The following SOX6 variants were observed in gnomAD, a reference collection of about 807,000 sequenced individuals.
The protein encoded by SOX6 is transcription factor SOX-6.
Under a neutral mutation model 97.8 loss-of-function variants are expected in SOX6, and 11 were observed. The observed-to-expected ratio is 0.11, with a 90% CI of 0.07 to 0.19. The LOEUF is 0.19. SOX6 is among the 10% of genes least tolerant of loss of function. The pLI, the probability that SOX6 is intolerant of heterozygous loss-of-function variation, is 1.00. For synonymous variants in SOX6, 360 were observed against 371.4 expected (o/e 0.97, Z 0.35); for missense variants, 810 against 1,039.5 (o/e 0.78, Z 3.04).
chr11:16,514,736 C>A (rs1322302673), intron 4 of SOX6, among the ~76,000 whole-genome samples: 8 of 139,760 alleles, frequency 5.7e-5, no homozygotes, highest in Non-Finnish European at 1.2e-4. Flanking sequence ...GTGATGTTTC[C>A]CTTCCTGTGT....
chr11:16,638,786 T>A (rs183058997), intron 3 of SOX6, among the ~76,000 whole-genome samples: 1,706 of 152,362 alleles, frequency 0.011, 23 homozygotes, highest in African/African-American at 0.039. Context: ...TTCTTATAAA[T>A]TTGTTTAAGT....
At chr11:15,991,427 C>T (rs879801975) in intron 13 of SOX6, among the ~76,000 whole-genome samples, 7 of 152,316 alleles carry the variant, frequency 4.6e-5, no homozygotes, top group East Asian at 1.9e-4. Context: ...CATTCAGATA[C>T]GACAGTGTCT....
intron 3 of SOX6, among the ~76,000 whole-genome samples, chr11:16,675,548 T>C (rs1032614252): frequency 9.2e-5 from 14 of 152,222 alleles, no homozygotes; most frequent in African/African-American, 3.4e-4. Flanking sequence ...TGATGAGTGA[T>C]TTTTTTATGT....
intron 12 of SOX6, among the ~76,000 whole-genome samples, chr11:16,023,916 G>C (rs1205388304): frequency 6.6e-6 from 1 of 152,136 alleles, no homozygotes; most frequent in Non-Finnish European, 1.5e-5. Flanking sequence ...CACGAGATTT[G>C]GAAATATCCA....
intron 1 of SOX6, among the ~76,000 whole-genome samples, chr11:16,473,883 T>C (rs1415519638): frequency 1.3e-5 from 2 of 152,232 alleles, no homozygotes; most frequent in East Asian, 3.8e-4. Flanking sequence ...CAATGCTGTT[T>C]GATAGCATTT....
intron 12 of SOX6, 45 bp from the exon 13 acceptor site, chr11:16,015,095 G>A: frequency 1.3e-6 from 2 of 1,537,516 alleles, no homozygotes; most frequent in Non-Finnish European, 1.8e-6. Context: ...TTCCAAAACA[G>A]CCACCATTTC....
intron 6 of SOX6, among the ~76,000 whole-genome samples, chr11:16,169,389 C>T (rs940365809): frequency 6.6e-6 from 1 of 151,836 alleles, no homozygotes; most frequent in African/African-American, 2.4e-5. Flanking sequence ...AAAGAAGTTA[C>T]TAAGCTTGAA....
At chr11:16,593,835 T>C (rs1294148700) in intron 4 of SOX6, among the ~76,000 whole-genome samples, 2 of 152,126 alleles carry the variant, frequency 1.3e-5, no homozygotes, top group African/African-American at 4.8e-5. Flanking sequence ...CAAAATTTGA[T>C]CCCGGGTGTG....
chr11:16,002,628 T>C lies in SOX6; in HGVS notation c.1732+12314A>G, dbSNP rs1247803746. Among the ~76,000 whole-genome samples, 3 of 152,130 alleles carry C rather than the reference T, an allele frequency of 2.0e-5. No individual in the cohort carries two copies. In the South Asian group the frequency reaches 6.2e-4, roughly 31 times the overall value. On this transcript the variant is annotated intron_variant, in intron 13 of 15. Transcript: ENST00000683767. Reference sequence around the variant, plus strand: ...CCCAGGTAAAAAGGCATCATTTAAGTTTGAACCAGAGACCACTGAGGTTGA... The same window carrying C: ...CCCAGGTAAAAAGGCATCATTTAAGCTTGAACCAGAGACCACTGAGGTTGA...
At chr11:16,204,768 A>T (rs1216038945) in intron 4 of SOX6, among the ~76,000 whole-genome samples, 2 of 152,098 alleles carry the variant, frequency 1.3e-5, no homozygotes, top group African/African-American at 2.4e-5. Flanking sequence ...TCAGGAAATC[A>T]ATGTTGTAAA....
chr11:16,377,323 C>T (rs1857669719), intron 1 of SOX6, among the ~76,000 whole-genome samples: 1 of 152,084 alleles, frequency 6.6e-6, no homozygotes, highest in African/African-American at 2.4e-5. Flanking sequence ...TTGTTTATAT[C>T]TCAGTTCCCA....
chr11:16,627,704 G>A (rs916957592), intron 3 of SOX6, among the ~76,000 whole-genome samples: 45 of 152,312 alleles, frequency 3.0e-4, no homozygotes, highest in African/African-American at 1.0e-3. Context: ...TTAGACATTT[G>A]TTGGATGCAT....
At chr11:16,222,895 TATTC>T (rs1852583505) in intron 4 of SOX6, among the ~76,000 whole-genome samples, 1 of 152,134 alleles carries the variant, frequency 6.6e-6, no homozygotes. Flanking sequence ...TCACCTTTAT[TATTC>T]AGTCTTTTTT....
chr11:16,685,858 A>G (rs1210852271), intron 3 of SOX6, among the ~76,000 whole-genome samples: 40 of 152,052 alleles, frequency 2.6e-4, no homozygotes, highest in Admixed American at 2.6e-3. Flanking sequence ...TTTCTCATAC[A>G]TTCTCTGAAA....
intron 2 of SOX6, among the ~76,000 whole-genome samples, chr11:16,721,269 T>A (rs1848259023): frequency 6.6e-6 from 1 of 152,206 alleles, no homozygotes; most frequent in Non-Finnish European, 1.5e-5. Context: ...GATTTGGCAC[T>A]ATGGAATGTG....
At chr11:16,679,137 G>C (rs1847907081) in intron 3 of SOX6, among the ~76,000 whole-genome samples, 1 of 152,212 alleles carries the variant, frequency 6.6e-6, no homozygotes, top group African/African-American at 2.4e-5. Flanking sequence ...CGAGCTCTGA[G>C]AGTGGACGGA....
intron 4 of SOX6, among the ~76,000 whole-genome samples, chr11:16,205,277 T>C (rs190611618): frequency 4.6e-5 from 7 of 152,140 alleles, no homozygotes; most frequent in Non-Finnish European, 1.0e-4. Context: ...AAATAGCAAA[T>C]TGAGATCTTC....
intron 4 of SOX6, among the ~76,000 whole-genome samples, chr11:16,487,651 G>C (rs1440490513): frequency 6.6e-6 from 1 of 152,118 alleles, no homozygotes; most frequent in Non-Finnish European, 1.5e-5. Context: ...TTTAATCAGC[G>C]TATTTTGTAT....
chr11:16,178,692 C>A lies in SOX6; in HGVS notation c.777+5194G>T, dbSNP rs141361417. On this transcript the variant is annotated intron_variant, in intron 6 of 15. Transcript: ENST00000683767. ...TTACTTTCAATAGGTTTATTTAGTC[C>A]TTTTCAGAGAAAGTTGGAAGGAGAT... Among the ~76,000 whole-genome samples the A allele has an allele frequency of 9.2e-5, 14 of 152,002 alleles. No homozygotes were observed. In the East Asian group the frequency reaches 2.7e-3, roughly 29 times the overall value.
Sources: gnomAD v4.1 joint callset for allele counts (sites outside exome capture counted in the v4.1 genomes callset) on GRCh38, gnomAD v4.1.1 for gene constraint, MANE v1.5 for transcripts, NCBI Gene and HGNC (gene_info 2026-07-23, HGNC 2026-07-21) for gene names.